KLHL2: variants seen among roughly 807,000 people sequenced by gnomAD.
KLHL2 encodes the protein kelch like family member 2.
A neutral mutation model predicts 75.8 loss-of-function variants in KLHL2; 15 were observed. That is an observed-to-expected ratio of 0.20 (90% confidence interval 0.13 to 0.30). The LOEUF (loss-of-function observed/expected upper bound fraction) is 0.30. Ranked by LOEUF, KLHL2 falls within the 10% of genes least tolerant of loss-of-function variation. The probability of loss-of-function intolerance (pLI) is 1.00; values close to 1 mark genes in which losing one functional copy is unlikely to be tolerated. For missense variants in KLHL2, 381 were observed against 741.0 expected, an observed-to-expected ratio of 0.51 and a Z score of 5.64; for synonymous variants, 214 against 251.9, an observed-to-expected ratio of 0.85 and a Z score of 1.42.
intron 3 of KLHL2, among the ~76,000 whole-genome samples, chr4:165,234,845 G>A (rs1334741774): frequency 6.6e-6 from 1 of 151,978 alleles, no homozygotes; most frequent in African/African-American, 2.4e-5. Flanking sequence ...AATAAAAGTA[G>A]ATAGGAGACT....
chr4:165,320,110 G>A (rs768080051), intron 14 of KLHL2, among the ~76,000 whole-genome samples: 1 of 151,344 alleles, frequency 6.6e-6, no homozygotes, highest in Non-Finnish European at 1.5e-5. Context: ...TTGTTGAGGA[G>A]AATGGATATC....
At chr4:165,209,924 C>A in intron 1 of KLHL2, 1 of 1,163,102 alleles carries the variant, frequency 8.6e-7, no homozygotes, top group Non-Finnish European at 1.2e-6. Context: ...GGCCTGTTTG[C>A]CTCCACTCCC....
In KLHL2 at chr4:165,284,334, G is replaced by A. The variant is rs149302276; in HGVS notation, c.545-10025G>A. On this transcript the variant is annotated intron_variant, in intron 5 of 14. Transcript: ENST00000226725. ...ACTGAATGCCTTTAACAGTACCCAAGTCACCTCTTGAATGCTTTGCTTAGA... is the reference window on the plus strand; with the variant it reads ...ACTGAATGCCTTTAACAGTACCCAAATCACCTCTTGAATGCTTTGCTTAGA... 5.3e-3 allele frequency among the ~76,000 whole-genome samples: 799 copies of A among 152,172 alleles called. 9 individuals are homozygous for A. The highest frequency in any genetic ancestry group is 0.018 in the African/African-American group (742 of 41,508).
chr4:165,250,251 G>A (rs1352691932), intron 4 of KLHL2, among the ~76,000 whole-genome samples: 2 of 152,204 alleles, frequency 1.3e-5, no homozygotes, highest in African/African-American at 4.8e-5. Flanking sequence ...TTGAGTGGAT[G>A]ACCATGCTTC....
chr4:165,256,179 C>T (rs1410586419), intron 4 of KLHL2, among the ~76,000 whole-genome samples: 1 of 152,140 alleles, frequency 6.6e-6, no homozygotes, highest in Admixed American at 6.6e-5. Context: ...ATTTCTCATG[C>T]TCTACAGTGT....
intron 5 of KLHL2, among the ~76,000 whole-genome samples, chr4:165,293,224 C>T (rs1165614790): frequency 6.6e-6 from 1 of 152,104 alleles, no homozygotes; most frequent in African/African-American, 2.4e-5. Flanking sequence ...ATAGTCTTTT[C>T]CCCCCTTGGA....
intron 3 of KLHL2, among the ~76,000 whole-genome samples, chr4:165,230,758 T>C (rs1738820285): frequency 6.6e-6 from 1 of 152,210 alleles, no homozygotes; most frequent in African/African-American, 2.4e-5. Flanking sequence ...GAGCTTATTA[T>C]GTTTTTAGCT....
chr4:165,316,508 G>C (rs1234207286), intron 13 of KLHL2, among the ~76,000 whole-genome samples: 1 of 152,074 alleles, frequency 6.6e-6, no homozygotes, highest in African/African-American at 2.4e-5. Context: ...CATTATTCGG[G>C]ATTCTTTGAT....
intron 5 of KLHL2, among the ~76,000 whole-genome samples, chr4:165,284,676 C>T (rs796133934): frequency 3.8e-4 from 58 of 152,302 alleles, no homozygotes; most frequent in African/African-American, 1.3e-3. Context: ...GTTCCAAAGT[C>T]GCTTCCGCAT....
intron 5 of KLHL2, among the ~76,000 whole-genome samples, chr4:165,292,724 T>A (rs1744611644): frequency 6.6e-6 from 1 of 152,322 alleles, no homozygotes. Context: ...CAACTGTTCC[T>A]TTTTATGGTA....
chr4:165,267,435 A>G (rs1211111720), intron 5 of KLHL2, among the ~76,000 whole-genome samples: 2 of 152,130 alleles, frequency 1.3e-5, no homozygotes, highest in African/African-American at 4.8e-5. Flanking sequence ...TCAGTATGAT[A>G]TTGGCTGTGG....
chr4:165,210,302 G>T, intron 1 of KLHL2: 1 of 996,918 alleles, frequency 1.0e-6, no homozygotes, highest in Non-Finnish European at 1.5e-6. Context: ...ATTGTTCTCA[G>T]ATCCCACCTT....
chr4:165,259,820 T>G (rs895099568), intron 4 of KLHL2, among the ~76,000 whole-genome samples: 1 of 152,214 alleles, frequency 6.6e-6, no homozygotes, highest in Non-Finnish European at 1.5e-5. Context: ...CCAATTTGAT[T>G]ATATCCCTAG....
At chr4:165,245,141 G>A (rs1740153898) in intron 4 of KLHL2, among the ~76,000 whole-genome samples, 1 of 152,122 alleles carries the variant, frequency 6.6e-6, no homozygotes, top group Non-Finnish European at 1.5e-5. Flanking sequence ...CCGGGAGGTG[G>A]AGGTTGCAGT....
At position 165,280,933 on chromosome 4, in the gene KLHL2, T is replaced by A. The variant is rs28626606; in HGVS notation, c.545-13426T>A. Among the ~76,000 whole-genome samples the A allele has an allele frequency of 6.3e-3, 962 of 152,348 alleles. 18 individuals carry two copies. The highest frequency in any genetic ancestry group is 0.021 in the African/African-American group (891 of 41,584). On this transcript the variant is annotated intron_variant, in intron 5 of 14. Coordinates refer to ENST00000226725, the MANE Select transcript of KLHL2 (RefSeq NM_007246.4). ...CACAGAGTATTAATGTTATAGGAAATCTTAGCAGTTATCTAGTCTAACACT... is the reference window on the plus strand; with the variant it reads ...CACAGAGTATTAATGTTATAGGAAAACTTAGCAGTTATCTAGTCTAACACT...
intron 5 of KLHL2, among the ~76,000 whole-genome samples, chr4:165,263,702 C>G (rs1026013880): frequency 1.4e-5 from 2 of 146,502 alleles, no homozygotes; most frequent in Non-Finnish European, 3.0e-5. Flanking sequence ...CTCCAGGGTT[C>G]AAGAAGAATA....
rs569380859 is a variant in KLHL2 at position 165,308,173 on chromosome 4, TCC to T, written c.1040-2379_1040-2378del. 2.4e-4 allele frequency among the ~76,000 whole-genome samples: 36 copies of T among 152,324 alleles called. No individual in the cohort carries two copies. The South Asian group carries it at 7.2e-3, about 31-fold the overall frequency. On this transcript the variant is annotated intron_variant, in intron 9 of 14. Transcript: ENST00000226725. ...CTTCAGTAGATTTTTAACATTTTCT[TCC>T]AATGGTCCTCTGTGTTTCTTGGCAA... is the stretch of plus-strand genomic sequence containing the variant.
At chr4:165,288,701 G>A (rs1230173244) in intron 5 of KLHL2, among the ~76,000 whole-genome samples, 1 of 152,060 alleles carries the variant, frequency 6.6e-6, no homozygotes, top group East Asian at 1.9e-4. Flanking sequence ...AACTCAGAGT[G>A]TGTCATTTCA....
intron 5 of KLHL2, among the ~76,000 whole-genome samples, chr4:165,283,864 G>C (rs1423062327): frequency 6.6e-6 from 1 of 152,192 alleles, no homozygotes; most frequent in Non-Finnish European, 1.5e-5. Context: ...TGAAATCGAG[G>C]TGGAGGTTAC....
Sources: gnomAD v4.1 joint callset for allele counts (sites outside exome capture counted in the v4.1 genomes callset) on GRCh38, gnomAD v4.1.1 for gene constraint, MANE v1.5 for transcripts, NCBI Gene and HGNC (gene_info 2026-07-23, HGNC 2026-07-21) for gene names.